PRKCA: variants seen among roughly 807,000 people sequenced by gnomAD.
PRKCA encodes protein kinase C alpha.
In PRKCA, 27 loss-of-function variants were observed where a neutral mutation model predicts 87.0. The ratio of observed to expected loss-of-function variants is 0.31; its 90% CI spans 0.23 to 0.43. The LOEUF is 0.43. Among genes scored for constraint, PRKCA ranks in the 20% least tolerant of loss-of-function variants. PRKCA has a pLI of 1.00. For synonymous variants in PRKCA, 329 were observed against 311.1 expected, an observed-to-expected ratio of 1.06 and a Z score of -0.61; for missense variants, 518 against 852.3, an observed-to-expected ratio of 0.61 and a Z score of 4.88.
At chr17:66,392,667 T>G (rs1910434873) in intron 2 of PRKCA, among the ~76,000 whole-genome samples, 1 of 152,192 alleles carries the variant, frequency 6.6e-6, no homozygotes, top group Non-Finnish European at 1.5e-5. Context: ...GCATCCGCCT[T>G]GCTGTGCGAA....
At chr17:66,619,042 G>A (rs947530423) in intron 3 of PRKCA, among the ~76,000 whole-genome samples, 10 of 152,310 alleles carry the variant, frequency 6.6e-5, no homozygotes, top group African/African-American at 2.4e-4. Flanking sequence ...CTCAAGAACT[G>A]AGAATGTAGG....
At chr17:66,514,227 G>T (rs760998601) in intron 3 of PRKCA, among the ~76,000 whole-genome samples, 1 of 152,064 alleles carries the variant, frequency 6.6e-6, no homozygotes, top group Non-Finnish European at 1.5e-5. Flanking sequence ...GCATTTACTG[G>T]GGTTTCTTGG....
At chr17:66,595,643 G>A (rs1969952604) in intron 3 of PRKCA, among the ~76,000 whole-genome samples, 1 of 151,640 alleles carries the variant, frequency 6.6e-6, no homozygotes, top group Non-Finnish European at 1.5e-5. Flanking sequence ...TTGTATCTTT[G>A]GTAGAGACAG....
Position 66,738,855 on chromosome 17 carries a change from TGTGA to T in PRKCA, c.1322+3_1322+6del. 1 of 1,609,670 alleles carries T rather than the reference TGTGA, an allele frequency of 6.2e-7. No homozygotes were observed. ...GGAAAATTTAAGGAACCACAAGCAG[TGTGA>T]GTATTATTTTTTAAGTCCTTTAATT... On this transcript the variant is annotated splice_donor_variant and splice_donor_region_variant and intron_variant, in intron 11 of 16. Coordinates refer to ENST00000413366, the MANE Select transcript of PRKCA (RefSeq NM_002737.3). LOFTEE classifies it high-confidence loss of function.
chr17:66,449,738 A>G (rs12451388), intron 2 of PRKCA, among the ~76,000 whole-genome samples: 5,934 of 152,174 alleles, frequency 0.039, 161 homozygotes, highest in Admixed American at 0.057. Context: ...TGTTGCTGTA[A>G]TTGTTTTTGG....
chr17:66,346,875 C>CA (rs1238202867), intron 2 of PRKCA, among the ~76,000 whole-genome samples: 5 of 151,716 alleles, frequency 3.3e-5, no homozygotes, highest in African/African-American at 4.8e-5. Flanking sequence ...ACTAAAAATA[C>CA]AAAAAATTAG....
chr17:66,703,888 CGACT>C (rs1291184383), intron 8 of PRKCA: 1 of 151,926 alleles, frequency 6.6e-6, no homozygotes, highest in Non-Finnish European at 1.5e-5. Flanking sequence ...CATTTATTAT[CGACT>C]GTGATGTACT....
intron 13 of PRKCA, among the ~76,000 whole-genome samples, chr17:66,743,422 G>A (rs1006027107): frequency 2.6e-5 from 4 of 152,232 alleles, no homozygotes; most frequent in African/African-American, 7.2e-5. Context: ...TGGTGTATTA[G>A]CAGCATCGCG....
At chr17:66,443,099 A>G (rs1567831537) in intron 2 of PRKCA, among the ~76,000 whole-genome samples, 1 of 152,174 alleles carries the variant, frequency 6.6e-6, no homozygotes. Flanking sequence ...TATTTTATAG[A>G]CAAACAGCTG....
At chr17:66,485,450 G>C in intron 2 of PRKCA, among the ~76,000 whole-genome samples, 1 of 152,160 alleles carries the variant, frequency 6.6e-6, no homozygotes, top group South Asian at 2.1e-4. Context: ...CCTTAGCGAG[G>C]GAGAGAGGTT....
chr17:66,679,918 G>A (rs1391272973), intron 5 of PRKCA, among the ~76,000 whole-genome samples: 1 of 152,170 alleles, frequency 6.6e-6, no homozygotes, highest in Non-Finnish European at 1.5e-5. Context: ...CTGCAAATGG[G>A]CTTGATAATA....
At chr17:66,467,867 C>T (rs906916397) in intron 2 of PRKCA, among the ~76,000 whole-genome samples, 1 of 151,426 alleles carries the variant, frequency 6.6e-6, no homozygotes, top group Non-Finnish European at 1.5e-5. Context: ...CTTGGTTGTA[C>T]TTAAAAAACA....
At chr17:66,697,461 A>G (rs901764727) in intron 8 of PRKCA, among the ~76,000 whole-genome samples, 2 of 152,224 alleles carry the variant, frequency 1.3e-5, no homozygotes, top group Non-Finnish European at 2.9e-5. Context: ...AGGAAGAACT[A>G]GTTTTACTTT....
intron 8 of PRKCA, among the ~76,000 whole-genome samples, chr17:66,710,681 T>G (rs775884909): frequency 5.3e-5 from 8 of 152,048 alleles, no homozygotes; most frequent in Non-Finnish European, 1.0e-4. Context: ...AAATGCCATG[T>G]CTTAATCACC....
At chr17:66,610,394 T>C (rs1159184140) in intron 3 of PRKCA, among the ~76,000 whole-genome samples, 1 of 152,084 alleles carries the variant, frequency 6.6e-6, no homozygotes, top group Non-Finnish European at 1.5e-5. Context: ...GATGATTCAC[T>C]CCATCTCCAG....
At chr17:66,472,267 A>C (rs780170319) in intron 2 of PRKCA, among the ~76,000 whole-genome samples, 3 of 152,150 alleles carry the variant, frequency 2.0e-5, no homozygotes, top group Non-Finnish European at 2.9e-5. Context: ...CAATGAGGCA[A>C]CCTCCATGGA....
chr17:66,732,796 A>T lies in PRKCA; in HGVS notation c.1027A>T (p.Met343Leu). ...GAAACTCACGGACTTCAATTTCCTCATGGTGTTGGGAAAGGGGAGTTTTGG... is the reference window on the plus strand; with the variant it reads ...GAAACTCACGGACTTCAATTTCCTCTTGGTGTTGGGAAAGGGGAGTTTTGG... ...RVKLTDFNFL[M>L]VLGKGSFGKV... The change falls in exon 9 of 17, where the codon ATG becomes TTG. Residue 343 changes from methionine (M) to leucine (L), a missense_variant. Physicochemically the swap from Met to Leu is conservative, Grantham distance 15. Coordinates refer to ENST00000413366, the MANE Select transcript of PRKCA (RefSeq NM_002737.3). The T allele has an allele frequency of 6.2e-7, 1 of 1,614,152 alleles. No homozygotes were observed. The highest frequency in any genetic ancestry group is 8.5e-7 in the Non-Finnish European group (1 of 1,180,020).
intron 3 of PRKCA, among the ~76,000 whole-genome samples, chr17:66,545,978 T>C (rs1968134117): frequency 6.6e-6 from 1 of 152,240 alleles, no homozygotes; most frequent in South Asian, 2.1e-4. Flanking sequence ...CTAGCTTTCT[T>C]TTAGATTAAT....
chr17:66,461,202 T>C (rs144518727), intron 2 of PRKCA, among the ~76,000 whole-genome samples: 5,572 of 99,374 alleles, frequency 0.056, 336 homozygotes, highest in African/African-American at 0.17. Flanking sequence ...TGAGACCCCA[T>C]CTCAAAAAAA....
Sources: allele counts gnomAD v4.1 joint callset (sites outside exome capture counted in the v4.1 genomes callset), GRCh38; gene constraint gnomAD v4.1.1; transcripts MANE v1.5; gene names NCBI Gene and HGNC (gene_info 2026-07-23, HGNC 2026-07-21).